The following ISM1 variants were observed in gnomAD, a reference collection of about 807,000 sequenced individuals.
ISM1 encodes isthmin-1.
Under a neutral mutation model 46.3 loss-of-function variants are expected in ISM1, and 25 were observed. The ratio of observed to expected loss-of-function variants is 0.54; its 90% CI spans 0.39 to 0.75. The LOEUF (loss-of-function observed/expected upper bound fraction) is 0.75, where lower values mean the gene tolerates loss of function less well. Among genes scored for constraint, ISM1 ranks in the 30% least tolerant of loss-of-function variants. ISM1 has a pLI of 0.00. For missense variants in ISM1, 536 were observed against 625.4 expected, an observed-to-expected ratio of 0.86 and a Z score of 1.52; for synonymous variants, 255 against 256.7, an observed-to-expected ratio of 0.99 and a Z score of 0.06.
In ISM1 at chr20:13,247,520, GT is replaced by G. The variant is rs777368028; in HGVS notation, c.139-22983del. Among the ~76,000 whole-genome samples, 521 of 85,184 alleles carry G rather than the reference GT, an allele frequency of 6.1e-3. 7 individuals are homozygous for G. The East Asian group carries it at 0.099, about 16-fold the overall frequency. The allele number at this position is 85,184 out of a possible 152,430, so 55.9% of individuals were successfully genotyped here. ...CATTTCTGGCAGCAAAGTGAGGGGT[GT>G]GTGTGTGTGTGTGTGTGTGTGTGTG... On this transcript the variant is annotated intron_variant, in intron 1 of 5. Coordinates refer to ENST00000262487, the MANE Select transcript of ISM1 (RefSeq NM_080826.2).
At chr20:13,302,221 T>C (rs2040464043), downstream of ISM1, among the ~76,000 whole-genome samples, 1 of 152,188 alleles carries the variant, frequency 6.6e-6, no homozygotes, top group African/African-American at 2.4e-5. Flanking sequence ...ATTTGCCTTT[T>C]AATATCAGAC....
downstream of ISM1, among the ~76,000 whole-genome samples, chr20:13,304,939 A>G (rs1460241789): frequency 6.6e-6 from 1 of 152,122 alleles, no homozygotes; most frequent in East Asian, 1.9e-4. Flanking sequence ...GCTCAGCGCC[A>G]TCTCTCAGAG....
At chr20:13,320,812 T>C in the ISM1 span, among the ~76,000 whole-genome samples, 1 of 152,168 alleles carries the variant, frequency 6.6e-6, no homozygotes, top group African/African-American at 2.4e-5. Flanking sequence ...GGGAAAGGGC[T>C]TCCCAGAAGT....
intron 1 of ISM1, among the ~76,000 whole-genome samples, chr20:13,263,425 A>AT (rs1306658060): frequency 5.3e-5 from 8 of 151,676 alleles, no homozygotes; most frequent in Non-Finnish European, 1.0e-4. Flanking sequence ...TAGAAAGCCG[A>AT]TTTTATGGTC....
chr20:13,284,591 T>G (rs1401696178), intron 3 of ISM1, among the ~76,000 whole-genome samples: 1 of 152,238 alleles, frequency 6.6e-6, no homozygotes, highest in Admixed American at 6.5e-5. Context: ...GATTTGTCCC[T>G]GTCAGAAATG....
the ISM1 span, among the ~76,000 whole-genome samples, chr20:13,313,584 G>C: frequency 6.6e-6 from 1 of 152,190 alleles, no homozygotes; most frequent in Non-Finnish European, 1.5e-5. Context: ...GAGACTGCCT[G>C]ATTTTGCAAA....
chr20:13,265,545 C>T (rs1283691257), intron 1 of ISM1, among the ~76,000 whole-genome samples: 1 of 152,186 alleles, frequency 6.6e-6, no homozygotes, highest in African/African-American at 2.4e-5. Flanking sequence ...TCGAAAGCTT[C>T]CTTGCTTCTT....
intron 1 of ISM1, among the ~76,000 whole-genome samples, chr20:13,260,292 G>A (rs1017573572): frequency 6.6e-6 from 1 of 152,194 alleles, no homozygotes; most frequent in Non-Finnish European, 1.5e-5. Context: ...GTAGCACACA[G>A]AGCTGTACAG....
the ISM1 span, among the ~76,000 whole-genome samples, chr20:13,316,819 C>T: frequency 1.6e-3 from 246 of 151,758 alleles, no homozygotes; most frequent in African/African-American, 5.2e-3. Context: ...ACAAAACACC[C>T]GATAGTTAAT....
chr20:13,249,544 C>T (rs1247020866), intron 1 of ISM1, among the ~76,000 whole-genome samples: 1 of 152,208 alleles, frequency 6.6e-6, no homozygotes, highest in Non-Finnish European at 1.5e-5. Flanking sequence ...AAATTATACA[C>T]CTCGGAAAAT....
chr20:13,280,668 G>A (rs1471510616), intron 3 of ISM1, among the ~76,000 whole-genome samples: 1 of 152,146 alleles, frequency 6.6e-6, no homozygotes, highest in Non-Finnish European at 1.5e-5. Context: ...AGGGAGCCTG[G>A]AGAAGGAACA....
rs187548151 is a variant in ISM1 at position 13,224,427 on chromosome 20, A to G, written c.138+2513A>G. 7.9e-4 allele frequency among the ~76,000 whole-genome samples: 121 copies of G among 152,310 alleles called. 2 individuals are homozygous for G. The highest frequency in any genetic ancestry group is 1.5e-4 in the Non-Finnish European group (10 of 68,026). On this transcript the variant is annotated intron_variant, in intron 1 of 5. Coordinates refer to ENST00000262487, the MANE Select transcript of ISM1 (RefSeq NM_080826.2). The stretch of plus-strand genomic sequence containing the variant: ...AAGTGAATTTGCTAGTAGCAGGTGT[A>G]TTTGAAGACAAAACTGTGGACACTG...
At chr20:13,227,569 C>T (rs1297307847) in intron 1 of ISM1, among the ~76,000 whole-genome samples, 3 of 146,620 alleles carry the variant, frequency 2.0e-5, no homozygotes, top group East Asian at 2.1e-4. Flanking sequence ...AGTGCAGTGG[C>T]GCGATCTTGG....
chr20:13,318,452 T>C, the ISM1 span, among the ~76,000 whole-genome samples: 1 of 152,220 alleles, frequency 6.6e-6, no homozygotes, highest in Non-Finnish European at 1.5e-5. Flanking sequence ...ACGCTTACCA[T>C]AGGATCCAAC....
At chr20:13,279,553 C>A in intron 2 of ISM1, 81 bp from the exon 3 acceptor site, 1 of 1,388,928 alleles carries the variant, frequency 7.2e-7, no homozygotes, top group Non-Finnish European at 9.8e-7. Context: ...TCCCTCTGCC[C>A]TCTCAGACTT....
intron 2 of ISM1, among the ~76,000 whole-genome samples, chr20:13,273,726 C>T (rs1015326481): frequency 4.6e-5 from 7 of 152,144 alleles, no homozygotes; most frequent in South Asian, 2.1e-4. Context: ...AAAATTAATG[C>T]GGCTCCAGCC....
chr20:13,242,486 T>C (rs1222618536), intron 1 of ISM1, among the ~76,000 whole-genome samples: 1 of 152,018 alleles, frequency 6.6e-6, no homozygotes, highest in Non-Finnish European at 1.5e-5. Flanking sequence ...AGAGATTGAT[T>C]ATCATGGAGG....
chr20:13,299,687 G>A lies in ISM1; in HGVS notation c.*228G>A, dbSNP rs1343003054. On this transcript the variant is annotated 3_prime_UTR_variant, in exon 6 of 6. Coordinates refer to ENST00000262487, the MANE Select transcript of ISM1 (RefSeq NM_080826.2). This position sits in a 1 kb window ranked among gnomAD's most constrained non-coding sequence, Gnocchi z 5.8. ...AGCTCCTTGAAAGTGCCCCTGGGGA[G>A]CGATGTGGGCAGAAGGATGGGGACA... The A allele has an allele frequency of 2.1e-6, 1 of 467,980 alleles. No homozygotes were observed. Among genetic ancestry groups the A allele is most frequent in the Non-Finnish European group, 3.8e-6 (1 of 264,690 alleles). The allele number at this position is 467,980 out of a possible 1,614,324, so 29.0% of individuals were successfully genotyped here.
the ISM1 span, among the ~76,000 whole-genome samples, chr20:13,317,321 A>G: frequency 6.6e-6 from 1 of 151,992 alleles, no homozygotes; most frequent in Admixed American, 6.6e-5. Context: ...ATTGAGAGAT[A>G]CTCCATGTTA....
Sources: gnomAD v4.1 joint callset for allele counts (sites outside exome capture counted in the v4.1 genomes callset) on GRCh38, gnomAD v4.1.1 for gene constraint, Gnocchi (gnomAD v3.1) non-coding constraint, MANE v1.5 for transcripts, NCBI Gene and HGNC (gene_info 2026-07-23, HGNC 2026-07-21) for gene names.